TENM1: variants seen among roughly 807,000 people sequenced by gnomAD.
The protein encoded by TENM1 is teneurin transmembrane protein 1, also known as teneurin-1.
In TENM1, 35 loss-of-function variants were observed where a neutral mutation model predicts 174.8. The observed-to-expected ratio is 0.20, with a 90% confidence interval of 0.15 to 0.27. The LOEUF is 0.27. Among genes scored for constraint, TENM1 ranks in the 10% least tolerant of loss-of-function variants. The pLI, the probability that TENM1 is intolerant of heterozygous loss-of-function variation, is 1.00. For synonymous variants in TENM1, 781 were observed against 798.7 expected (o/e 0.98, Z 0.37); for missense variants, 1,633 against 2,130.1 (o/e 0.77, Z 4.59).
chrX:124,944,891 T>C (rs748501742), intron 1 of TENM1, among the ~76,000 whole-genome samples: 1 of 110,910 alleles, frequency 9.0e-6, no homozygotes, highest in African/African-American at 3.3e-5. Context: ...TGGTGATAAA[T>C]AGGGTGACCA....
Position 124,913,083 on chromosome X carries a change from G to T in TENM1, c.218-16842C>A, listed in dbSNP as rs1051611716. Reference sequence around the variant, plus strand: ...GGAATGTAAAAGTTGGAAAAACATTGATCATAATTTTTTTCTTACTAATAC... The same window carrying T: ...GGAATGTAAAAGTTGGAAAAACATTTATCATAATTTTTTTCTTACTAATAC... On this transcript the variant is annotated intron_variant, in intron 1 of 31. Transcript: ENST00000422452. Among the ~76,000 whole-genome samples, 15 of 110,891 alleles carry T rather than the reference G, an allele frequency of 1.4e-4. No homozygotes were observed. The Admixed American group carries it at 1.4e-3, about 11-fold the overall frequency.
At chrX:124,481,855 T>C (rs774811247) in exon 22 of TENM1, 4 of 1,206,870 alleles carry the variant, frequency 3.3e-6, no homozygotes, top group Non-Finnish European at 4.5e-6. Flanking sequence ...AGATCTTTCG[T>C]CTCCACAAGA....
At chrX:124,792,058 T>C (rs2147206308) in intron 3 of TENM1, among the ~76,000 whole-genome samples, 1 of 111,194 alleles carries the variant, frequency 9.0e-6, no homozygotes, top group African/African-American at 3.3e-5. Flanking sequence ...GAGGACTGAA[T>C]TATCTCAGAG....
rs149031027 is a variant in TENM1 at position 124,606,163 on chromosome X, G to C, written c.2077+35628C>G. ...ATCCAGTTAAAAAATGCATATTCTTGGGCCCCACTGCAGATCTACTGAGTC... is the reference window on the plus strand; with the variant it reads ...ATCCAGTTAAAAAATGCATATTCTTCGGCCCCACTGCAGATCTACTGAGTC... On this transcript the variant is annotated intron_variant, in intron 11 of 31. Transcript: ENST00000422452. Among the ~76,000 whole-genome samples the C allele has an allele frequency of 6.9e-4, 76 of 110,713 alleles. No individual in the cohort carries two copies. In the East Asian group the frequency reaches 0.017, roughly 24 times the overall value.
intron 3 of TENM1, among the ~76,000 whole-genome samples, chrX:124,761,706 A>G (rs2054421150): frequency 3.6e-5 from 4 of 111,489 alleles, no homozygotes; most frequent in Admixed American, 9.5e-5. Flanking sequence ...AAAAATAAAA[A>G]AACATGAATG....
intron 11 of TENM1, among the ~76,000 whole-genome samples, chrX:124,589,770 G>C (rs1187821055): frequency 9.0e-6 from 1 of 111,177 alleles, no homozygotes; most frequent in Non-Finnish European, 1.9e-5. Context: ...TGTTATCTTT[G>C]TTATTTCTGA....
chrX:124,777,245 T>C (rs1273248006), intron 3 of TENM1, among the ~76,000 whole-genome samples: 1 of 111,923 alleles, frequency 8.9e-6, no homozygotes, highest in Non-Finnish European at 1.9e-5. Flanking sequence ...AATGCCACCT[T>C]CTGTTAGCTT....
chrX:124,628,624 T>C (rs185467009), intron 11 of TENM1, among the ~76,000 whole-genome samples: 223 of 111,498 alleles, frequency 2.0e-3, no homozygotes, highest in Middle Eastern at 4.7e-3. Flanking sequence ...AGTTTTATTT[T>C]AATTGAGCTA....
intron 16 of TENM1, among the ~76,000 whole-genome samples, chrX:124,526,500 A>G (rs2047978596): frequency 8.9e-6 from 1 of 112,411 alleles, no homozygotes; most frequent in South Asian, 3.7e-4. Flanking sequence ...ATGGAGACGG[A>G]AGGTGGAACT....
intron 3 of TENM1, among the ~76,000 whole-genome samples, chrX:124,782,367 A>C (rs2054932016): frequency 9.0e-6 from 1 of 111,105 alleles, no homozygotes; most frequent in Admixed American, 9.6e-5. Flanking sequence ...TTGGAACAAC[A>C]CCTATAAGGC....
intron 25 of TENM1, among the ~76,000 whole-genome samples, chrX:124,415,580 G>T (rs1361631141): frequency 9.0e-6 from 1 of 111,677 alleles, no homozygotes; most frequent in African/African-American, 3.3e-5. Context: ...GAATGGGCAC[G>T]TTACTTCCCT....
chrX:125,127,931 T>C, the TENM1 span, among the ~76,000 whole-genome samples: 1 of 111,392 alleles, frequency 9.0e-6, no homozygotes. Flanking sequence ...GGACTCCATA[T>C]ACTTTGATGT....
chrX:124,896,535 G>C (rs1329644421), intron 1 of TENM1, among the ~76,000 whole-genome samples: 1 of 111,738 alleles, frequency 8.9e-6, no homozygotes, highest in Non-Finnish European at 1.9e-5. Context: ...AGTGAGTGCA[G>C]AGGAGTATAA....
At chrX:124,683,235 C>T (rs964230405) in intron 5 of TENM1, among the ~76,000 whole-genome samples, 1 of 111,630 alleles carries the variant, frequency 9.0e-6, no homozygotes, top group African/African-American at 3.3e-5. Flanking sequence ...AAAGGAAATG[C>T]TTTGCACCTA....
intron 23 of TENM1, among the ~76,000 whole-genome samples, chrX:124,443,416 C>G (rs954532879): frequency 1.8e-5 from 2 of 110,732 alleles, no homozygotes; most frequent in Non-Finnish European, 3.8e-5. Context: ...TTACCAAAGC[C>G]AAAAATGGAT....
chrX:124,560,459 GA>G (rs1324812975), intron 14 of TENM1, among the ~76,000 whole-genome samples: 1 of 110,571 alleles, frequency 9.0e-6, no homozygotes, highest in African/African-American at 3.3e-5. Flanking sequence ...TAAGGAAATG[GA>G]AGCACAGAGA....
At chrX:125,147,132 CATAT>C in the TENM1 span, among the ~76,000 whole-genome samples, 2 of 107,413 alleles carry the variant, frequency 1.9e-5, no homozygotes, top group African/African-American at 6.8e-5. Context: ...TATATACACA[CATAT>C]GTGTGTATAT....
At chrX:124,769,818 T>A (rs1449341904) in intron 3 of TENM1, among the ~76,000 whole-genome samples, 2 of 111,572 alleles carry the variant, frequency 1.8e-5, no homozygotes, top group African/African-American at 3.3e-5. Context: ...GGAGAAAAAA[T>A]TAGCCAAAGC....
In TENM1 at chrX:124,751,826, A is replaced by C. The variant is rs1055446075; in HGVS notation, c.536-14629T>G. On this transcript the variant is annotated intron_variant, in intron 3 of 31. Transcript: ENST00000422452. ...TCCCTACAAAGGACATGAACTCATCATTTTTTATGGCTGCATAGTATTCCA... is the reference window on the plus strand; with the variant it reads ...TCCCTACAAAGGACATGAACTCATCCTTTTTTATGGCTGCATAGTATTCCA... Among the ~76,000 whole-genome samples, 19 of 109,634 alleles carry C rather than the reference A, an allele frequency of 1.7e-4. 1 individual carries two copies. Among genetic ancestry groups the C allele is most frequent in the East Asian group, 5.8e-4 (2 of 3,437 alleles).
Sources: allele counts gnomAD v4.1 joint callset (sites outside exome capture counted in the v4.1 genomes callset), GRCh38; gene constraint gnomAD v4.1.1; transcripts MANE v1.5; gene names NCBI Gene and HGNC (gene_info 2026-07-23, HGNC 2026-07-21).